Variants in CNTNAP2 observed in about 807,000 individuals in gnomAD.
CNTNAP2 encodes contactin associated protein 2, also known as contactin-associated protein-like 2.
CNTNAP2 carries 98 observed loss-of-function variants against 155.2 expected under a neutral mutation model. The observed-to-expected ratio is 0.63, with a 90% confidence interval of 0.54 to 0.75. CNTNAP2 has a LOEUF of 0.75. CNTNAP2 is among the 30% of genes least tolerant of loss of function. CNTNAP2 has a pLI of 0.00. For synonymous variants in CNTNAP2, 651 were observed against 631.2 expected (o/e 1.03, Z -0.47); for missense variants, 1,727 against 1,688.1 (o/e 1.02, Z -0.40).
intron 8 of CNTNAP2, among the ~76,000 whole-genome samples, chr7:147,284,293 C>T (rs1293080817): frequency 2.0e-5 from 3 of 151,446 alleles, no homozygotes; most frequent in East Asian, 3.9e-4. Flanking sequence ...TGGAATGAAG[C>T]GTTCATTTTA....
At chr7:147,056,884 C>T (rs981251613) in intron 4 of CNTNAP2, among the ~76,000 whole-genome samples, 13 of 152,148 alleles carry the variant, frequency 8.5e-5, no homozygotes, top group Admixed American at 5.9e-4. Context: ...AATCCTCCTG[C>T]CCCAGCCTCT....
In CNTNAP2 at chr7:146,430,188, TG is replaced by T. The variant is rs1376798338; in HGVS notation, c.97+313216del. Among the ~76,000 whole-genome samples the T allele has an allele frequency of 2.0e-3, 294 of 146,238 alleles. 1 individual carries two copies. Among genetic ancestry groups the T allele is most frequent in the African/African-American group, 7.2e-3 (273 of 38,082 alleles). ...TATTTGCCTGAAGTTTTTTTTTTTTTGTTTTATTTTTTTAATCTCTGCCAGG... is the reference window on the plus strand; with the variant it reads ...TATTTGCCTGAAGTTTTTTTTTTTTTTTTTATTTTTTTAATCTCTGCCAGG... On this transcript the variant is annotated intron_variant, in intron 1 of 23. Transcript: ENST00000361727.
chr7:146,792,192 T>G (rs1465493991), intron 2 of CNTNAP2, among the ~76,000 whole-genome samples: 2 of 152,114 alleles, frequency 1.3e-5, no homozygotes. Flanking sequence ...TTATTCAGGC[T>G]GGGAGAGAAC....
intron 8 of CNTNAP2, among the ~76,000 whole-genome samples, chr7:147,218,801 A>G (rs1198927561): frequency 6.6e-6 from 1 of 152,160 alleles, no homozygotes; most frequent in African/African-American, 2.4e-5. Context: ...TGCCATGGTC[A>G]TCTATTTCTG....
At chr7:147,680,090 A>G (rs1795925323) in intron 13 of CNTNAP2, among the ~76,000 whole-genome samples, 1 of 151,838 alleles carries the variant, frequency 6.6e-6, no homozygotes, top group Non-Finnish European at 1.5e-5. Context: ...TTTTACAAAC[A>G]TCAAATAGCA....
chr7:147,613,678 C>G (rs570099291), intron 12 of CNTNAP2, among the ~76,000 whole-genome samples: 11 of 152,152 alleles, frequency 7.2e-5, no homozygotes, highest in African/African-American at 2.2e-4. Flanking sequence ...CCCGTCTCTA[C>G]TAAAAATACA....
intron 1 of CNTNAP2, among the ~76,000 whole-genome samples, chr7:146,529,851 G>C (rs1797743020): frequency 6.6e-6 from 1 of 152,010 alleles, no homozygotes; most frequent in Non-Finnish European, 1.5e-5. Flanking sequence ...TGTAATCCCA[G>C]CTACTCAGGA....
chr7:147,787,023 GAGAAGAC>G (rs1423344184), intron 13 of CNTNAP2, among the ~76,000 whole-genome samples: 26 of 151,976 alleles, frequency 1.7e-4, no homozygotes, highest in Non-Finnish European at 3.2e-4. Flanking sequence ...GAGAGAGAGA[GAGAAGAC>G]AAGACAAGAC....
intron 15 of CNTNAP2, among the ~76,000 whole-genome samples, chr7:148,071,625 G>T (rs539162884): frequency 1.3e-5 from 2 of 152,152 alleles, no homozygotes; most frequent in Admixed American, 1.3e-4. Flanking sequence ...AGACAGCTTC[G>T]CAGGCAGTAT....
chr7:146,423,157 T>C (rs1157455606), intron 1 of CNTNAP2, among the ~76,000 whole-genome samples: 1 of 152,130 alleles, frequency 6.6e-6, no homozygotes, highest in East Asian at 1.9e-4. Context: ...ACTTTTCTTA[T>C]TATGGTTCCA....
intron 13 of CNTNAP2, among the ~76,000 whole-genome samples, chr7:147,725,523 G>T (rs1237545467): frequency 6.6e-6 from 1 of 152,060 alleles, no homozygotes; most frequent in Non-Finnish European, 1.5e-5. Context: ...TTAGTGGGAA[G>T]CTCGCAAGAA....
chr7:147,744,313 G>A (rs1357137433), intron 13 of CNTNAP2, among the ~76,000 whole-genome samples: 2 of 152,124 alleles, frequency 1.3e-5, no homozygotes, highest in African/African-American at 2.4e-5. Context: ...AATTCAATAA[G>A]CAGAATTCCT....
rs1798665268 is a variant in CNTNAP2 at position 147,838,287 on chromosome 7, A to C, written c.2099-65278A>C. On this transcript the variant is annotated intron_variant, in intron 13 of 23. Coordinates refer to ENST00000361727, the MANE Select transcript of CNTNAP2 (RefSeq NM_014141.6). ...CCTGTGATGGGAGGGACTGCCACAAAGATCTCTTACATGTCCTGGAGACAT... is the reference window on the plus strand; with the variant it reads ...CCTGTGATGGGAGGGACTGCCACAACGATCTCTTACATGTCCTGGAGACAT... Among the ~76,000 whole-genome samples the C allele has an allele frequency of 2.0e-5, 3 of 152,152 alleles. No homozygotes were observed. In the South Asian group the frequency reaches 6.2e-4, roughly 32 times the overall value.
chr7:148,099,157 C>T (rs1804039459), intron 15 of CNTNAP2, among the ~76,000 whole-genome samples: 1 of 152,210 alleles, frequency 6.6e-6, no homozygotes, highest in African/African-American at 2.4e-5. Flanking sequence ...TCACATTAAA[C>T]TTTCCGTGCC....
intron 2 of CNTNAP2, among the ~76,000 whole-genome samples, chr7:146,826,836 G>GTGTA (rs1223630494): frequency 2.0e-4 from 29 of 144,152 alleles, no homozygotes; most frequent in African/African-American, 7.1e-4. Context: ...ATGAATATAT[G>GTGTA]TATATATATA....
intron 15 of CNTNAP2, among the ~76,000 whole-genome samples, chr7:148,078,585 A>G (rs1472350152): frequency 1.3e-5 from 2 of 152,078 alleles, no homozygotes; most frequent in Admixed American, 6.6e-5. Context: ...GGTTCAAACG[A>G]TTCTCCTGCC....
chr7:148,185,281 C>T (rs542859992), intron 18 of CNTNAP2, among the ~76,000 whole-genome samples: 2 of 152,208 alleles, frequency 1.3e-5, no homozygotes, highest in African/African-American at 2.4e-5. Context: ...ATTCCTGTCT[C>T]TGTCATGGAA....
intron 14 of CNTNAP2, among the ~76,000 whole-genome samples, chr7:147,930,547 T>C (rs1004297144): frequency 2.0e-5 from 3 of 152,208 alleles, no homozygotes; most frequent in Admixed American, 6.5e-5. Context: ...CAATTTTATA[T>C]GCACCCAGCA....
chr7:146,581,659 C>CAA lies in CNTNAP2; in HGVS notation c.98-192602_98-192601dup, dbSNP rs11331896. On this transcript the variant is annotated intron_variant, in intron 1 of 23. Transcript: ENST00000361727. ...ACAAGAAAATGATGGCCATTTTTAG[C>CAA]AAAAAAAAAAAGGATTATTTGAATA... Among the ~76,000 whole-genome samples the CAA allele has an allele frequency of 4.1e-5, 6 of 144,980 alleles. 1 individual carries two copies. The highest frequency in any genetic ancestry group is 2.8e-4 in the Admixed American group (4 of 14,336).
Sources: gnomAD v4.1 joint callset for allele counts (sites outside exome capture counted in the v4.1 genomes callset) on GRCh38, gnomAD v4.1.1 for gene constraint, MANE v1.5 for transcripts, NCBI Gene and HGNC (gene_info 2026-07-23, HGNC 2026-07-21) for gene names.